LARS2: variants seen among roughly 807,000 people sequenced by gnomAD.
LARS2 encodes leucyl-tRNA synthetase 2, mitochondrial.
In LARS2, 81 loss-of-function variants were observed where a neutral mutation model predicts 116.6. The observed-to-expected ratio is 0.69, with a 90% CI of 0.58 to 0.84. The LOEUF (loss-of-function observed/expected upper bound fraction) is 0.84, where lower values mean the gene tolerates loss of function less well. Ranked by LOEUF, LARS2 falls within the 40% of genes least tolerant of loss-of-function variation. The probability of loss-of-function intolerance (pLI) is 0.00; values close to 1 mark genes in which losing one functional copy is unlikely to be tolerated. For missense variants in LARS2, 968 were observed against 1,114.5 expected (o/e 0.87, Z 1.87); for synonymous variants, 396 against 407.2 (o/e 0.97, Z 0.33).
chr3:45,547,663 CA>C lies in LARS2; in HGVS notation c.*134del. 1.3e-6 allele frequency: 1 copy of C among 792,778 alleles called. No homozygotes were observed. The highest frequency in any genetic ancestry group is 2.0e-6 in the Non-Finnish European group (1 of 501,784). The allele number at this position is 792,778 out of a possible 1,614,324, so 49.1% of individuals were successfully genotyped here. A position where few individuals can be genotyped will look rare whatever the true frequency, so the allele number is the denominator to read the frequency against. Reference sequence around the variant, plus strand: ...TTGACTGTTGACCTCGGTCCTGTGGCAGACTGCAGTCAACAGTGTGCCTCTG... The same window carrying C: ...TTGACTGTTGACCTCGGTCCTGTGGCGACTGCAGTCAACAGTGTGCCTCTG... On this transcript the variant is annotated 3_prime_UTR_variant, in exon 22 of 22. Coordinates refer to ENST00000645846, the MANE Select transcript of LARS2 (RefSeq NM_015340.4).
intron 1 of LARS2, among the ~76,000 whole-genome samples, chr3:45,391,358 G>A (rs1467261122): frequency 4.6e-5 from 7 of 151,802 alleles, no homozygotes; most frequent in South Asian, 2.1e-4. Context: ...GGTGGCGGGC[G>A]CCTGTAATCC....
intron 6 of LARS2, among the ~76,000 whole-genome samples, chr3:45,444,667 A>G (rs1698986432): frequency 6.7e-6 from 1 of 149,202 alleles, no homozygotes. Flanking sequence ...CCGTCTCAAA[A>G]AAAAAAAAAA....
chr3:45,504,327 C>T (rs568872431), intron 15 of LARS2, among the ~76,000 whole-genome samples: 1 of 152,108 alleles, frequency 6.6e-6, no homozygotes, highest in South Asian at 2.1e-4. Flanking sequence ...GAAATGCAGA[C>T]AGAAACCCAT....
At chr3:45,425,347 G>A (rs916802006) in intron 6 of LARS2, among the ~76,000 whole-genome samples, 6 of 152,208 alleles carry the variant, frequency 3.9e-5, no homozygotes, top group Admixed American at 2.0e-4. Context: ...AGGGAGTGGA[G>A]TAGAAGCTGC....
intron 15 of LARS2, among the ~76,000 whole-genome samples, chr3:45,510,380 C>A (rs1312438708): frequency 6.6e-6 from 1 of 152,020 alleles, no homozygotes; most frequent in Non-Finnish European, 1.5e-5. Flanking sequence ...TGCCACTGCA[C>A]CCCAGCCTGG....
At position 45,417,561 on chromosome 3, in the gene LARS2, G is replaced by A; in HGVS notation, c.443G>A (p.Ser148Asn). ...GTCGAGAGGAATCTACATCCACAAA[G>A]TTGGACACAAAGGTAAGTGTTTACA... ...AAVERNLHPQ[S>N]WTQSNIKHMR... The change falls in exon 5 of 22, where the codon AGT becomes AAT. Residue 148 changes from serine to asparagine, a missense_variant. Coordinates refer to ENST00000645846, the MANE Select transcript of LARS2 (RefSeq NM_015340.4). 7.4e-6 allele frequency: 12 copies of A among 1,613,556 alleles called. No individual in the cohort carries two copies. The highest frequency in any genetic ancestry group is 1.6e-4 in the Middle Eastern group (1 of 6,062).
chr3:45,465,124 G>A (rs1026444294), intron 8 of LARS2, among the ~76,000 whole-genome samples: 1 of 152,190 alleles, frequency 6.6e-6, no homozygotes, highest in African/African-American at 2.4e-5. Context: ...CTCATGCTGG[G>A]GCTGTCTCTT....
At chr3:45,444,480 G>T (rs575266745) in intron 6 of LARS2, among the ~76,000 whole-genome samples, 2,827 of 5,982 alleles carry the variant, frequency 0.47, 61 homozygotes, top group Middle Eastern at 0.5. Context: ...CGGCTAAAAC[G>T]GTGAAACCCC....
At chr3:45,389,054 G>C (rs891792571) in intron 1 of LARS2, 2 of 152,196 alleles carry the variant, frequency 1.3e-5, no homozygotes, top group African/African-American at 4.8e-5. Context: ...GTTAGGGCTC[G>C]GAGGTCCTCA....
At chr3:45,414,681 C>T (rs993541221) in intron 4 of LARS2, among the ~76,000 whole-genome samples, 6 of 151,796 alleles carry the variant, frequency 4.0e-5, no homozygotes, top group South Asian at 2.1e-4. Context: ...GTGAACTGAT[C>T]GTGGCGCCAC....
At chr3:45,416,335 G>GGAGA (rs141164137) in intron 4 of LARS2, among the ~76,000 whole-genome samples, 3 of 150,210 alleles carry the variant, frequency 2.0e-5, no homozygotes, top group African/African-American at 7.4e-5. Context: ...CTCAATCAGG[G>GGAGA]GAGAGAGAGA....
At chr3:45,435,283 TA>T (rs1698779936) in intron 6 of LARS2, among the ~76,000 whole-genome samples, 1 of 152,130 alleles carries the variant, frequency 6.6e-6, no homozygotes, top group Admixed American at 6.5e-5. Context: ...GCTGCACTGA[TA>T]CCACCAAGAG....
At chr3:45,536,605 C>T (rs1441905905) in intron 20 of LARS2, among the ~76,000 whole-genome samples, 3 of 152,244 alleles carry the variant, frequency 2.0e-5, no homozygotes, top group Non-Finnish European at 4.4e-5. Context: ...TCTGTATGTG[C>T]CCAGCTTCGG....
chr3:45,509,802 C>T (rs1432452997), intron 15 of LARS2, among the ~76,000 whole-genome samples: 1 of 151,934 alleles, frequency 6.6e-6, no homozygotes, highest in Non-Finnish European at 1.5e-5. Context: ...GCGCCCCTTT[C>T]CCCACTGGGA....
chr3:45,534,739 C>T (rs1023957881), intron 20 of LARS2, among the ~76,000 whole-genome samples: 3 of 152,188 alleles, frequency 2.0e-5, no homozygotes, highest in African/African-American at 4.8e-5. Context: ...ATTTTAGAGA[C>T]GCCGAAAGTA....
chr3:45,428,239 G>GTTTTTTTTT (rs35323496), intron 6 of LARS2, among the ~76,000 whole-genome samples: 18 of 84,226 alleles, frequency 2.1e-4, no homozygotes, highest in Non-Finnish European at 2.3e-4. Flanking sequence ...ATCTTAACCT[G>GTTTTTTTTT]TTTTTTTTTT....
intron 6 of LARS2, among the ~76,000 whole-genome samples, chr3:45,436,771 G>GGCCT (rs1698814507): frequency 6.8e-6 from 1 of 146,162 alleles, no homozygotes; most frequent in Non-Finnish European, 1.5e-5. Context: ...TCCGCAGTCC[G>GGCCT]GCCTGGGCGA....
rs1700396051 is a variant in LARS2, at chr3:45,517,977, G to A, written c.2119G>A (p.Ala707Thr). 3.1e-6 allele frequency: 5 copies of A among 1,614,064 alleles called. No individual in the cohort carries two copies. Among genetic ancestry groups the A allele is most frequent in the Middle Eastern group, 1.7e-4 (1 of 6,060 alleles). The change falls in exon 18 of 22, where the codon GCT becomes ACT. Residue 707 changes from alanine to threonine, a missense_variant. Physicochemically the swap from Ala to Thr is moderately conservative, Grantham distance 58. Coordinates refer to ENST00000645846, the MANE Select transcript of LARS2 (RefSeq NM_015340.4). ...TLTTRFIEAR[A>T]SGKSPQPQLL... ...GACAACTCGGTTTATTGAGGCCAGG[G>A]CTTCTGGGAAGTCTCCCCAGCCTCA...
chr3:45,423,221 C>T (rs1698542139), intron 6 of LARS2, among the ~76,000 whole-genome samples: 1 of 152,054 alleles, frequency 6.6e-6, no homozygotes, highest in Non-Finnish European at 1.5e-5. Context: ...ATTAACATTT[C>T]CCATTTTCTA....
Sources: gnomAD v4.1 joint callset for allele counts (sites outside exome capture counted in the v4.1 genomes callset) on GRCh38, gnomAD v4.1.1 for gene constraint, MANE v1.5 for transcripts, NCBI Gene and HGNC (gene_info 2026-07-23, HGNC 2026-07-21) for gene names.